The following RADIL variants were observed in gnomAD, a reference collection of about 807,000 sequenced individuals.
RADIL encodes Rap associating with DIL domain, also known as ras-associating and dilute domain-containing protein.
Under a neutral mutation model 97.6 loss-of-function variants are expected in RADIL, and 99 were observed. The ratio of observed to expected loss-of-function variants is 1.01; its 90% CI spans 0.86 to 1.20. The LOEUF (loss-of-function observed/expected upper bound fraction) is 1.20, where lower values mean the gene tolerates loss of function less well. Ranked by LOEUF, RADIL falls within the 50% of genes most tolerant of loss-of-function variation. The probability of loss-of-function intolerance (pLI) is 0.00; values close to 1 mark genes in which losing one functional copy is unlikely to be tolerated. For missense variants in RADIL, 1,765 were observed against 1,498.9 expected, an observed-to-expected ratio of 1.18 and a Z score of -2.93; for synonymous variants, 803 against 691.8, an observed-to-expected ratio of 1.16 and a Z score of -2.52.
In RADIL at chr7:4,819,339, G is replaced by C. The variant is rs566144275; in HGVS notation, c.1616-1988C>G. 6.6e-6 allele frequency among the ~76,000 whole-genome samples: 1 copy of C among 151,810 alleles called. No individual in the cohort carries two copies. Among genetic ancestry groups the C allele is most frequent in the South Asian group, 2.1e-4 (1 of 4,788 alleles). ...TGCCTGCCTCGGCCTCCCAAAGTGC[G>C]GGGAGGACAGGTGTGAGCCCAGCCC... On this transcript the variant is annotated intron_variant, in intron 6 of 14. Transcript: ENST00000399583. The surrounding 1 kb of genome is among the most constrained non-coding windows in gnomAD (Gnocchi z 5.8).
intron 2 of RADIL, among the ~76,000 whole-genome samples, chr7:4,838,367 G>A (rs1294484442): frequency 6.6e-6 from 1 of 152,216 alleles, no homozygotes; most frequent in African/African-American, 2.4e-5. Flanking sequence ...GGTTGTAGGA[G>A]GTGACCTCAG....
chr7:4,801,424 G>A (rs1307222827), intron 12 of RADIL, among the ~76,000 whole-genome samples: 2 of 152,002 alleles, frequency 1.3e-5, no homozygotes, highest in African/African-American at 4.8e-5. Context: ...CCAGATCACA[G>A]TGAGTATCTG....
rs367568369 is a variant in RADIL, at chr7:4,835,625, C to A, written c.784-386G>T. Among the ~76,000 whole-genome samples the A allele has an allele frequency of 2.6e-5, 4 of 151,962 alleles. No individual in the cohort carries two copies. In the East Asian group the frequency reaches 7.9e-4, roughly 30 times the overall value. On this transcript the variant is annotated intron_variant, in intron 3 of 14. Transcript: ENST00000399583. The surrounding 1 kb of genome is among the most constrained non-coding windows in gnomAD (Gnocchi z 5.8). The stretch of plus-strand genomic sequence containing the variant: ...CACTGCCGCCTGTGTGGGAGCACCA[C>A]CCCCAGTGTGGGAGCACTGCCGCCT...
chr7:4,859,270 TCTA>T (rs1308670100), intron 2 of RADIL: 2 of 152,674 alleles, frequency 1.3e-5, no homozygotes, highest in Non-Finnish European at 2.9e-5. Context: ...TAAAATTAGT[TCTA>T]CTTTCTAATA....
intron 7 of RADIL, among the ~76,000 whole-genome samples, chr7:4,816,883 C>A (rs1354951011): frequency 6.6e-6 from 1 of 152,208 alleles, no homozygotes; most frequent in African/African-American, 2.4e-5. Flanking sequence ...GGCAGCACCT[C>A]TGGCACCCGT....
Position 4,837,800 on chromosome 7 carries a change from G to A in RADIL, c.536-1195C>T, listed in dbSNP as rs1783340651. On this transcript the variant is annotated intron_variant, in intron 2 of 14. Coordinates refer to ENST00000399583, the MANE Select transcript of RADIL (RefSeq NM_018059.5). The surrounding 1 kb of genome is among the most constrained non-coding windows in gnomAD (Gnocchi z 5.6). The stretch of plus-strand genomic sequence containing the variant: ...CTAAATGCATGCTCTGGGAAAGCCA[G>A]CCGGCTGCGATAGATGAAAACCGCT... 3.1e-6 allele frequency: 3 copies of A among 980,188 alleles called. No homozygotes were observed. The highest frequency in any genetic ancestry group is 2.4e-6 in the Non-Finnish European group (2 of 825,230). 60.7% of individuals were successfully genotyped at this position (980,188 alleles called of 1,614,324 possible).
chr7:4,859,940 G>A (rs759963359), intron 2 of RADIL: 1 of 1,613,652 alleles, frequency 6.2e-7, no homozygotes, highest in Non-Finnish European at 8.5e-7. Flanking sequence ...CTGAAGGTCT[G>A]GATGGCTTAT....
intron 4 of RADIL, among the ~76,000 whole-genome samples, chr7:4,832,908 C>T (rs915469740): frequency 1.3e-5 from 2 of 152,130 alleles, no homozygotes; most frequent in Non-Finnish European, 2.9e-5. Flanking sequence ...GAAACAAACG[C>T]GCAAATGATA....
At chr7:4,804,751 C>T (rs1452437552) in intron 10 of RADIL, among the ~76,000 whole-genome samples, 7 of 151,778 alleles carry the variant, frequency 4.6e-5, no homozygotes, top group Admixed American at 3.3e-4. Flanking sequence ...CGAGCCACTG[C>T]ACTCCAGCCT....
chr7:4,861,872 C>T, intron 2 of RADIL: 1 of 538,146 alleles, frequency 1.9e-6, no homozygotes, highest in Non-Finnish European at 2.4e-6. Context: ...GGCCGCCGCC[C>T]GGGTCATGAT....
At position 4,815,295 on chromosome 7, in the gene RADIL, TG is replaced by T; in HGVS notation, c.2121del (p.Arg708GlyfsTer7). The T allele has an allele frequency of 6.4e-7, 1 of 1,561,758 alleles. No homozygotes were observed. Among genetic ancestry groups the T allele is most frequent in the Non-Finnish European group, 8.7e-7 (1 of 1,154,204 alleles). On this transcript the variant is annotated frameshift_variant, in exon 9 of 15. Coordinates refer to ENST00000399583, the MANE Select transcript of RADIL (RefSeq NM_018059.5). LOFTEE classifies it high-confidence loss of function. This position sits in a 1 kb window ranked among gnomAD's most constrained non-coding sequence, Gnocchi z 8.0. ...LSCTLNLLAT[P>X]RAQLIQMSWT... ...ACCCCTACCTGGATGAGCTGGGCCCTGGGTGTGGCCAGCAGGTTGAGGGTGC... is the reference window on the plus strand; with the variant it reads ...ACCCCTACCTGGATGAGCTGGGCCCTGGTGTGGCCAGCAGGTTGAGGGTGC...
rs537078811 is a variant in RADIL, at chr7:4,816,158, G to A, written c.1966+70C>T. The A allele has an allele frequency of 5.0e-5, 72 of 1,434,190 alleles. 2 individuals are homozygous for A. In the South Asian group the frequency reaches 8.6e-4, roughly 17 times the overall value. The allele number at this position is 1,434,190 out of a possible 1,614,324, so 88.8% of individuals were successfully genotyped here. A position where few individuals can be genotyped will look rare whatever the true frequency, so the allele number is the denominator to read the frequency against. Reference sequence around the variant, plus strand: ...AGAGCCGCCTCCAGGAGCTGGCGAGGGAGGCGCCAGCAGCCGTCATGTCCA... The same window carrying A: ...AGAGCCGCCTCCAGGAGCTGGCGAGAGAGGCGCCAGCAGCCGTCATGTCCA... On this transcript the variant is annotated intron_variant, in intron 8 of 14. Transcript: ENST00000399583.
rs1784522416 is a variant in RADIL, at chr7:4,883,273, G to C, written c.-65+323C>G. Among the ~76,000 whole-genome samples, 3 of 151,226 alleles carry C rather than the reference G, an allele frequency of 2.0e-5. No individual in the cohort carries two copies. In the South Asian group the frequency reaches 6.2e-4, roughly 31 times the overall value. On this transcript the variant is annotated intron_variant, in intron 1 of 14. Transcript: ENST00000399583. This position sits in a 1 kb window ranked among gnomAD's most constrained non-coding sequence, Gnocchi z 7.1. ...AGGGCCGAGAGTCCCCTGGAGTTGG[G>C]GGTCCGGGGCCCACGCGGACAGCCA...
chr7:4,878,181 A>G lies in RADIL; in HGVS notation c.-42T>C, dbSNP rs2115054316. The G allele has an allele frequency of 6.7e-7, 1 of 1,483,252 alleles. No individual in the cohort carries two copies. Among genetic ancestry groups the G allele is most frequent in the Non-Finnish European group, 8.9e-7 (1 of 1,117,474 alleles). 91.9% of individuals were successfully genotyped at this position (1,483,252 alleles called of 1,614,324 possible). On this transcript the variant is annotated 5_prime_UTR_variant, in exon 2 of 15. Transcript: ENST00000399583. The surrounding 1 kb of genome is among the most constrained non-coding windows in gnomAD (Gnocchi z 4.1). The stretch of plus-strand genomic sequence containing the variant: ...TGGATGAGGACTGTGGGCTTCAGCC[A>G]AAGGATGTGGGGAGGCCGTGACCTG...
At position 4,878,296 on chromosome 7, in the gene RADIL, C is replaced by T. The variant is rs138977934; in HGVS notation, c.-64-93G>A. 254 of 792,904 alleles carry T rather than the reference C, an allele frequency of 3.2e-4. 3 individuals carry two copies. The East Asian group carries it at 4.4e-3, about 14-fold the overall frequency. 49.1% of individuals were successfully genotyped at this position (792,904 alleles called of 1,614,324 possible). ...CGGTGACTCCTGCCCGTCATCCCAG[C>T]GCTTTAGAAGGCCAAGGTGGGAGGA... On this transcript the variant is annotated intron_variant, in intron 1 of 14. Coordinates refer to ENST00000399583, the MANE Select transcript of RADIL (RefSeq NM_018059.5). The surrounding 1 kb of genome is among the most constrained non-coding windows in gnomAD (Gnocchi z 4.1).
intron 2 of RADIL, among the ~76,000 whole-genome samples, chr7:4,850,766 C>T (rs147188097): frequency 9.8e-5 from 15 of 152,300 alleles, no homozygotes; most frequent in African/African-American, 2.9e-4. Flanking sequence ...CAGAAAGGAA[C>T]GCAGCCCAGC....
chr7:4,875,883 CA>C (rs1390029733), intron 2 of RADIL, among the ~76,000 whole-genome samples: 1 of 152,136 alleles, frequency 6.6e-6, no homozygotes. Context: ...GGATGAAAAC[CA>C]AATCCCAGAA....
chr7:4,856,349 A>T (rs1300050763), intron 2 of RADIL, among the ~76,000 whole-genome samples: 2 of 152,134 alleles, frequency 1.3e-5, no homozygotes, highest in East Asian at 3.9e-4. Flanking sequence ...GTCTCAAGCG[A>T]TCCACCCGCC....
intron 5 of RADIL, among the ~76,000 whole-genome samples, chr7:4,823,800 C>T (rs1437384016): frequency 2.6e-5 from 4 of 152,216 alleles, no homozygotes; most frequent in African/African-American, 4.8e-5. Flanking sequence ...CCTCTTGGAA[C>T]GTCTGAGGGG....
Sources: gnomAD v4.1 joint callset for allele counts (sites outside exome capture counted in the v4.1 genomes callset) on GRCh38, gnomAD v4.1.1 for gene constraint, Gnocchi (gnomAD v3.1) non-coding constraint, MANE v1.5 for transcripts, NCBI Gene and HGNC (gene_info 2026-07-23, HGNC 2026-07-21) for gene names.